Variants in GCSAML observed in about 807,000 individuals in gnomAD.
The protein encoded by GCSAML is germinal center associated signaling and motility like.
GCSAML carries 9 observed loss-of-function variants against 13.0 expected under a neutral mutation model. The observed-to-expected ratio is 0.69, with a 90% CI of 0.42 to 1.21. GCSAML has a LOEUF of 1.21. Ranked by LOEUF, GCSAML falls within the 50% of genes most tolerant of loss-of-function variation. The pLI is 0.00. For synonymous variants in GCSAML, 37 were observed against 52.9 expected, an observed-to-expected ratio of 0.70 and a Z score of 1.31; for missense variants, 143 against 153.4, an observed-to-expected ratio of 0.93 and a Z score of 0.36.
chr1:247,536,486 C>T (rs1667223170), intron 2 of GCSAML: 1 of 152,146 alleles, frequency 6.6e-6, no homozygotes, highest in Non-Finnish European at 1.5e-5. Flanking sequence ...GTGAGAATGG[C>T]TCATGGTGTT....
chr1:247,542,792 A>G (rs1667453973), intron 2 of GCSAML, among the ~76,000 whole-genome samples: 1 of 152,264 alleles, frequency 6.6e-6, no homozygotes, highest in Non-Finnish European at 1.5e-5. Flanking sequence ...ATTTGACTAG[A>G]ATTATTAAAA....
At chr1:247,568,072 T>C (rs1348597653) in intron 4 of GCSAML, among the ~76,000 whole-genome samples, 1 of 152,204 alleles carries the variant, frequency 6.6e-6, no homozygotes, top group Non-Finnish European at 1.5e-5. Flanking sequence ...TTCTGGATAT[T>C]AGCTCTTTGT....
At chr1:247,532,778 A>C (rs1463381426) in intron 2 of GCSAML, among the ~76,000 whole-genome samples, 1 of 151,988 alleles carries the variant, frequency 6.6e-6, no homozygotes, top group Non-Finnish European at 1.5e-5. Context: ...TACATTTTAT[A>C]CCCATTGTTT....
intron 2 of GCSAML, chr1:247,529,429 G>A (rs1174275962): frequency 1.3e-5 from 2 of 152,204 alleles, no homozygotes; most frequent in African/African-American, 4.8e-5. Flanking sequence ...GCCTGCTGAA[G>A]GTTTAGTTAT....
intron 2 of GCSAML, among the ~76,000 whole-genome samples, chr1:247,542,841 G>A (rs888027810): frequency 6.6e-6 from 1 of 152,198 alleles, no homozygotes. Flanking sequence ...AGAAGAATAT[G>A]TAAAATACGT....
intron 1 of GCSAML, among the ~76,000 whole-genome samples, chr1:247,517,410 G>C (rs888981521): frequency 3.9e-5 from 6 of 151,984 alleles, no homozygotes; most frequent in African/African-American, 1.4e-4. Flanking sequence ...TAAATCACTG[G>C]AACAAAAAAA....
chr1:247,563,494 G>A, intron 2 of GCSAML, 96 bp from the exon 3 acceptor site: 1 of 605,704 alleles, frequency 1.7e-6, no homozygotes, highest in South Asian at 2.6e-5. Context: ...ATCTAACAAT[G>A]GCCTTAGGTT....
chr1:247,547,733 C>G (rs995900969), upstream of GCSAML, among the ~76,000 whole-genome samples: 1 of 152,090 alleles, frequency 6.6e-6, no homozygotes, highest in African/African-American at 2.4e-5. Context: ...GTGCCTTTAC[C>G]GCTCCATGGA....
chr1:247,512,171 G>A (rs1043116110), intron 1 of GCSAML, among the ~76,000 whole-genome samples: 8 of 151,988 alleles, frequency 5.3e-5, no homozygotes, highest in East Asian at 3.9e-4. Flanking sequence ...GTCTTTTTAC[G>A]TAGTCCCATA....
intron 4 of GCSAML, among the ~76,000 whole-genome samples, chr1:247,570,396 G>T (rs908518680): frequency 1.3e-5 from 2 of 152,088 alleles, no homozygotes; most frequent in African/African-American, 2.4e-5. Context: ...CAGAGGTTCT[G>T]GTTTGTTGTG....
intron 1 of GCSAML, among the ~76,000 whole-genome samples, chr1:247,514,187 C>T (rs1223581466): frequency 6.6e-6 from 1 of 152,106 alleles, no homozygotes; most frequent in Non-Finnish European, 1.5e-5. Context: ...CACCATGTTG[C>T]CAAGGATGGC....
chr1:247,517,203 C>T (rs1011789570), intron 1 of GCSAML, among the ~76,000 whole-genome samples: 9 of 152,186 alleles, frequency 5.9e-5, no homozygotes, highest in Admixed American at 2.0e-4. Context: ...GAGATTGGAC[C>T]AAATCTTTAA....
chr1:247,565,840 G>GT (rs1311435590), intron 3 of GCSAML, 91 bp from the exon 4 acceptor site: 11 of 1,037,244 alleles, frequency 1.1e-5, no homozygotes, highest in African/African-American at 3.4e-5. Context: ...TCTACATTCT[G>GT]TTTTTTTCAC....
rs567765221 is a variant in GCSAML at position 247,550,453 on chromosome 1, C to A, written c.29+1233C>A. On this transcript the variant is annotated intron_variant, in intron 1 of 4. Transcript: ENST00000366488. The stretch of plus-strand genomic sequence containing the variant: ...GAGATCGAGACCATTCTGGCTAACA[C>A]GGTGAAACTCCGTCTCTACTAAAAA... 1.2e-3 allele frequency among the ~76,000 whole-genome samples: 187 copies of A among 152,104 alleles called. 1 individual carries two copies. The highest frequency in any genetic ancestry group is 6.8e-3 in the Middle Eastern group (2 of 294).
At chr1:247,529,164 C>T (rs915005352) in intron 2 of GCSAML, 1 of 152,160 alleles carries the variant, frequency 6.6e-6, no homozygotes, top group African/African-American at 2.4e-5. Context: ...CAATGTTAGT[C>T]TTTATAGGGA....
chr1:247,557,429 A>G (rs1286394136), intron 2 of GCSAML, among the ~76,000 whole-genome samples: 1 of 152,226 alleles, frequency 6.6e-6, no homozygotes, highest in Non-Finnish European at 1.5e-5. Context: ...AGATGAACAG[A>G]AACACCCTGC....
At chr1:247,552,224 C>G (rs1165592432) in intron 1 of GCSAML, among the ~76,000 whole-genome samples, 1 of 152,262 alleles carries the variant, frequency 6.6e-6, no homozygotes. Context: ...TGAGCCCCAA[C>G]AAAGAGATGG....
In GCSAML at chr1:247,508,651, T is replaced by C. The variant is rs149612112; in HGVS notation, c.-263+1418T>C. ...AAGGTTTTTATGGTTTTAGGTCTTA[T>C]GTTTAAGTCTTTAATCCATCTTGAG... On this transcript the variant is annotated intron_variant, in intron 1 of 5. Transcript: ENST00000366489. Among the ~76,000 whole-genome samples the C allele has an allele frequency of 4.2e-3, 646 of 152,276 alleles. 9 individuals carry two copies. Among genetic ancestry groups the C allele is most frequent in the African/African-American group, 0.015 (616 of 41,578 alleles).
At chr1:247,516,896 C>T (rs924200691) in intron 1 of GCSAML, among the ~76,000 whole-genome samples, 2 of 152,086 alleles carry the variant, frequency 1.3e-5, no homozygotes, top group South Asian at 2.1e-4. Context: ...TCTATGTTCC[C>T]AGCGCAGATA....
Sources: gnomAD v4.1 joint callset for allele counts (sites outside exome capture counted in the v4.1 genomes callset) on GRCh38, gnomAD v4.1.1 for gene constraint, MANE v1.5 for transcripts, NCBI Gene and HGNC (gene_info 2026-07-23, HGNC 2026-07-21) for gene names.